RFX3: variants seen among roughly 807,000 people sequenced by gnomAD.
The protein encoded by RFX3 is transcription factor RFX3.
RFX3 carries 14 observed loss-of-function variants against 98.6 expected under a neutral mutation model. The observed-to-expected ratio is 0.14, with a 90% CI of 0.09 to 0.22. The LOEUF is 0.22. RFX3 is among the 10% of genes least tolerant of loss of function. The pLI is 1.00. For synonymous variants in RFX3, 383 were observed against 328.4 expected, an observed-to-expected ratio of 1.17 and a Z score of -1.80; for missense variants, 639 against 926.9, an observed-to-expected ratio of 0.69 and a Z score of 4.03.
chr9:3,236,528 AG>A (rs1181922848), intron 15 of RFX3, among the ~76,000 whole-genome samples: 1 of 152,238 alleles, frequency 6.6e-6, no homozygotes, highest in Non-Finnish European at 1.5e-5. Context: ...CACCACAAGC[AG>A]CCCCAAAGAC....
chr9:3,286,230 T>G (rs1826582414), intron 7 of RFX3, among the ~76,000 whole-genome samples: 1 of 151,766 alleles, frequency 6.6e-6, no homozygotes, highest in Non-Finnish European at 1.5e-5. Context: ...GTGCTGCCAT[T>G]AACAGATGCA....
At chr9:3,307,201 C>T (rs1040497674) in intron 4 of RFX3, among the ~76,000 whole-genome samples, 12 of 152,004 alleles carry the variant, frequency 7.9e-5, no homozygotes, top group African/African-American at 2.9e-4. Context: ...TGTAAATTGC[C>T]CAGTCTCGTG....
At position 3,468,851 on chromosome 9, in the gene RFX3, G is replaced by C. The variant is rs59557656; in HGVS notation, c.-9+56896C>G. On this transcript the variant is annotated intron_variant, in intron 1 of 16. Coordinates refer to ENST00000617270, the MANE Select transcript of RFX3 (RefSeq NM_001282116.2). ...AAAAAAGAAAAAAGAAAAAAAAGAA[G>C]AAAAACCGCATACTTTCATTACAAA... 1.1e-4 allele frequency among the ~76,000 whole-genome samples: 14 copies of C among 126,978 alleles called. No individual in the cohort carries two copies. The South Asian group carries it at 2.6e-3, about 24-fold the overall frequency. The allele number at this position is 126,978 out of a possible 152,430, so 83.3% of individuals were successfully genotyped here.
Position 3,225,538 on chromosome 9 carries a change from T to TA in RFX3, c.2012-259dup, listed in dbSNP as rs370374469. ...GTGATTGATACTTTGTTAACTTTTT[T>TA]AAAAAAAAAGGCCTTTGGAATTTCC... On this transcript the variant is annotated intron_variant, in intron 16 of 16. Coordinates refer to ENST00000617270, the MANE Select transcript of RFX3 (RefSeq NM_001282116.2). Among the ~76,000 whole-genome samples, 51 of 147,310 alleles carry TA rather than the reference T, an allele frequency of 3.5e-4. No individual in the cohort carries two copies. The East Asian group carries it at 3.7e-3, about 11-fold the overall frequency.
chr9:3,462,242 G>A (rs762689555), intron 1 of RFX3, among the ~76,000 whole-genome samples: 2 of 151,904 alleles, frequency 1.3e-5, no homozygotes, highest in Non-Finnish European at 2.9e-5. Flanking sequence ...GACAAAATGG[G>A]ATTTATTCCA....
rs564040059 is a variant in RFX3 at position 3,263,136 on chromosome 9, C to A, written c.1456-52G>T. 1.0e-5 allele frequency: 16 copies of A among 1,576,334 alleles called. No individual in the cohort carries two copies. The South Asian group carries it at 1.8e-4, about 18-fold the overall frequency. ...ATTCTGTTTCCTCCAGTAAAAGAAA[C>A]CACTGCAATTTTCAAATCTTCTTTC... On this transcript the variant is annotated intron_variant, in intron 12 of 16. Coordinates refer to ENST00000617270, the MANE Select transcript of RFX3 (RefSeq NM_001282116.2).
chr9:3,345,083 C>G (rs914397794), intron 3 of RFX3, among the ~76,000 whole-genome samples: 4 of 152,020 alleles, frequency 2.6e-5, no homozygotes, highest in Non-Finnish European at 5.9e-5. Flanking sequence ...ATTCACAGTA[C>G]AATGCTGTAA....
At chr9:3,288,598 G>A (rs757829471) in intron 6 of RFX3, among the ~76,000 whole-genome samples, 2 of 151,868 alleles carry the variant, frequency 1.3e-5, no homozygotes, top group Non-Finnish European at 1.5e-5. Flanking sequence ...TAGGAAAAAA[G>A]TTTTTGGCCA....
intron 4 of RFX3, among the ~76,000 whole-genome samples, chr9:3,323,569 A>G (rs3012710): frequency 0.13 from 19,315 of 152,044 alleles, 1,293 homozygotes; most frequent in Middle Eastern, 0.18. Flanking sequence ...GGTACAGGTT[A>G]CTTTAATATT....
chr9:3,288,150 G>A lies in RFX3; in HGVS notation c.832C>T (p.Pro278Ser), dbSNP rs1422750354. The change falls in exon 7 of 17, where the codon CCC (proline) becomes TCC (serine). Residue 278 changes from proline (P) to serine (S), a missense_variant. By Grantham distance (74) the Pro-to-Ser change is moderately conservative (BLOSUM62 -1). Coordinates refer to ENST00000617270, the MANE Select transcript of RFX3 (RefSeq NM_001282116.2). ...GTCTACCTTTGTTTCTGTTGCATGG[G>A]TTGTTGTCTCATAGCCATATACTGC... ...DMQYMAMRQQ[P>S]MQQKQRYKPM... is the part of the protein sequence containing the mutation. 3 of 1,612,652 alleles carry A rather than the reference G, an allele frequency of 1.9e-6. No homozygotes were observed. In the African/African-American group the frequency reaches 4.0e-5, roughly 22 times the overall value.
Position 3,476,004 on chromosome 9 carries a change from G to GC in RFX3, c.-9+49742dup, listed in dbSNP as rs527266021. ...GGAGCTCTCTGGTGGCCCTGTCCAG[G>GC]CATGACAGACGGCTCACACTCTTGT... On this transcript the variant is annotated intron_variant, in intron 1 of 16. Transcript: ENST00000617270. Among the ~76,000 whole-genome samples, 12 of 152,268 alleles carry GC rather than the reference G, an allele frequency of 7.9e-5. No individual in the cohort carries two copies. The South Asian group carries it at 2.5e-3, about 32-fold the overall frequency.
At chr9:3,458,043 T>G (rs1375591052) in intron 1 of RFX3, among the ~76,000 whole-genome samples, 1 of 152,130 alleles carries the variant, frequency 6.6e-6, no homozygotes, top group Non-Finnish European at 1.5e-5. Flanking sequence ...AAGCAGTCAT[T>G]AGAAGACTGG....
intron 1 of RFX3, among the ~76,000 whole-genome samples, chr9:3,414,499 A>G (rs900693067): frequency 6.6e-6 from 1 of 150,948 alleles, no homozygotes; most frequent in Admixed American, 6.6e-5. Flanking sequence ...ATATGTGTAT[A>G]TACATATATA....
At chr9:3,327,528 C>G (rs117440723) in intron 4 of RFX3, among the ~76,000 whole-genome samples, 344 of 151,828 alleles carry the variant, frequency 2.3e-3, no homozygotes, top group Non-Finnish European at 4.2e-3. Flanking sequence ...GGTGAGATCA[C>G]TTTGTGATTT....
chr9:3,498,407 T>C (rs1587862993), intron 1 of RFX3, among the ~76,000 whole-genome samples: 1 of 152,034 alleles, frequency 6.6e-6, no homozygotes, highest in South Asian at 2.1e-4. Context: ...TGAACATCCC[T>C]TGAATCACAT....
intron 3 of RFX3, among the ~76,000 whole-genome samples, chr9:3,333,219 T>A (rs1478245317): frequency 6.6e-6 from 1 of 152,220 alleles, no homozygotes; most frequent in African/African-American, 2.4e-5. Flanking sequence ...TGAGAAATTA[T>A]GCTAAACTAC....
chr9:3,416,329 T>C (rs1842977470), intron 1 of RFX3, among the ~76,000 whole-genome samples: 1 of 152,168 alleles, frequency 6.6e-6, no homozygotes, highest in African/African-American at 2.4e-5. Flanking sequence ...ATCACATATC[T>C]AGCAAACAAG....
intron 1 of RFX3, among the ~76,000 whole-genome samples, chr9:3,515,478 G>GT (rs1456984398): frequency 6.6e-6 from 1 of 151,942 alleles, no homozygotes; most frequent in African/African-American, 2.4e-5. Context: ...CCTACGCCCC[G>GT]TAAGTCCCAC....
intron 2 of RFX3, among the ~76,000 whole-genome samples, chr9:3,355,887 A>C (rs1835691399): frequency 6.6e-6 from 1 of 151,946 alleles, no homozygotes. Flanking sequence ...AGATATCTTA[A>C]AAAGTCCAAC....
Sources: allele counts gnomAD v4.1 joint callset (sites outside exome capture counted in the v4.1 genomes callset), GRCh38; gene constraint gnomAD v4.1.1; transcripts MANE v1.5; gene names NCBI Gene and HGNC (gene_info 2026-07-23, HGNC 2026-07-21).